The following TMED3 variants were observed in gnomAD, a reference collection of about 807,000 sequenced individuals.
The protein encoded by TMED3 is transmembrane p24 trafficking protein 3.
Under a neutral mutation model 15.0 loss-of-function variants are expected in TMED3, and 9 were observed. The observed-to-expected ratio is 0.60, with a 90% CI of 0.36 to 1.04. The LOEUF (loss-of-function observed/expected upper bound fraction) is 1.04. Among genes scored for constraint, TMED3 ranks in the 50% least tolerant of loss-of-function variants. TMED3 has a pLI of 0.01. For synonymous variants in TMED3, 117 were observed against 121.4 expected (o/e 0.96, Z 0.24); for missense variants, 267 against 278.9 (o/e 0.96, Z 0.30).
chr15:79,373,866 G>T (rs1278756989), intron 2 of TMED3, among the ~76,000 whole-genome samples: 6 of 152,194 alleles, frequency 3.9e-5, no homozygotes, highest in Non-Finnish European at 8.8e-5. Context: ...AAGATGTCCC[G>T]ATTGGCAGTT....
downstream of TMED3, among the ~76,000 whole-genome samples, chr15:79,325,674 A>T (rs1397423337): frequency 6.6e-6 from 1 of 152,160 alleles, no homozygotes; most frequent in Admixed American, 6.5e-5. Flanking sequence ...GCTCAGTCCG[A>T]GTCCAAAAAC....
At chr15:79,377,631 T>C (rs1385227094) in intron 2 of TMED3, among the ~76,000 whole-genome samples, 1 of 151,396 alleles carries the variant, frequency 6.6e-6, no homozygotes, top group Non-Finnish European at 1.5e-5. Context: ...AAATTGCATA[T>C]GAACAAACCG....
intron 1 of TMED3, among the ~76,000 whole-genome samples, chr15:79,312,621 C>G (rs773345880): frequency 6.6e-5 from 10 of 152,178 alleles, no homozygotes; most frequent in Non-Finnish European, 1.2e-4. Context: ...TTTGATGGAT[C>G]TTGGTTATAG....
intron 2 of TMED3, among the ~76,000 whole-genome samples, chr15:79,386,986 C>T (rs1463712969): frequency 6.8e-6 from 1 of 148,060 alleles, no homozygotes. Context: ...GGCTGGAGCA[C>T]AGTGGCACCC....
chr15:79,389,406 T>C (rs985412556), intron 2 of TMED3, among the ~76,000 whole-genome samples: 4 of 152,100 alleles, frequency 2.6e-5, no homozygotes, highest in African/African-American at 7.2e-5. Flanking sequence ...CTGTAAGTAT[T>C]TGGGTTTATT....
intron 2 of TMED3, among the ~76,000 whole-genome samples, chr15:79,374,855 C>A (rs1334829083): frequency 2.0e-5 from 3 of 152,088 alleles, no homozygotes; most frequent in African/African-American, 7.3e-5. Context: ...GATTCTGGAC[C>A]CCAAGAAACA....
chr15:79,386,609 A>T (rs1893629108), intron 2 of TMED3, among the ~76,000 whole-genome samples: 1 of 151,768 alleles, frequency 6.6e-6, no homozygotes. Context: ...GTGCGATCTC[A>T]GCTCATTGCA....
intron 2 of TMED3, among the ~76,000 whole-genome samples, chr15:79,374,201 G>A (rs544361185): frequency 4.6e-4 from 70 of 152,164 alleles, no homozygotes; most frequent in African/African-American, 1.5e-3. Context: ...AGTTTCTTCC[G>A]GGGACTGCTA....
chr15:79,322,825 A>T lies in TMED3; in HGVS notation c.*611A>T. On this transcript the variant is annotated 3_prime_UTR_variant, in exon 3 of 3. Transcript: ENST00000299705. ...CTGTGGGAAACTGTGGCTAATAAAAACTAAGTGTGAGCGTCCTGGAGACTT... is the reference window on the plus strand; with the variant it reads ...CTGTGGGAAACTGTGGCTAATAAAATCTAAGTGTGAGCGTCCTGGAGACTT... 1 of 985,542 alleles carries T rather than the reference A, an allele frequency of 1.0e-6. No individual in the cohort carries two copies. The allele number at this position is 985,542 out of a possible 1,614,324, so 61.0% of individuals were successfully genotyped here.
At chr15:79,359,349 C>T (rs756066569) in intron 2 of TMED3, among the ~76,000 whole-genome samples, 1 of 151,534 alleles carries the variant, frequency 6.6e-6, no homozygotes, top group Non-Finnish European at 1.5e-5. Flanking sequence ...TCTCCTGCCT[C>T]AGCCTCCCAA....
At chr15:79,409,888 G>T (rs1354098814) in intron 2 of TMED3, among the ~76,000 whole-genome samples, 2 of 152,142 alleles carry the variant, frequency 1.3e-5, no homozygotes, top group African/African-American at 4.8e-5. Flanking sequence ...TTCCTGAACT[G>T]TAAAATAAGC....
At chr15:79,372,403 C>T (rs1013566214) in intron 2 of TMED3, among the ~76,000 whole-genome samples, 4 of 152,212 alleles carry the variant, frequency 2.6e-5, no homozygotes, top group African/African-American at 9.6e-5. Flanking sequence ...GACTTCTCCT[C>T]TCCTCTCCCT....
chr15:79,399,892 G>A (rs575194951), intron 2 of TMED3, among the ~76,000 whole-genome samples: 3 of 152,254 alleles, frequency 2.0e-5, no homozygotes, highest in South Asian at 2.1e-4. Flanking sequence ...CGGAGGCAGG[G>A]CCTCTTCCTC....
exon 3 of TMED3, chr15:79,413,379 G>A (rs906276256): frequency 6.6e-6 from 1 of 152,266 alleles, no homozygotes; most frequent in Non-Finnish European, 1.5e-5. Flanking sequence ...TCATCAAGGA[G>A]TGTGCCACAT....
intron 2 of TMED3, among the ~76,000 whole-genome samples, chr15:79,357,673 G>A (rs1220316856): frequency 6.6e-6 from 1 of 151,918 alleles, no homozygotes; most frequent in African/African-American, 2.4e-5. Context: ...ACTGTAGAGG[G>A]AGCTGGCGGC....
At chr15:79,398,347 C>T (rs1336188286) in intron 2 of TMED3, among the ~76,000 whole-genome samples, 1 of 151,896 alleles carries the variant, frequency 6.6e-6, no homozygotes, top group Admixed American at 6.6e-5. Context: ...GCTTTGTTGC[C>T]CAGGCAGTGG....
intron 2 of TMED3, among the ~76,000 whole-genome samples, chr15:79,408,837 G>A (rs751670338): frequency 7.2e-5 from 11 of 152,186 alleles, no homozygotes; most frequent in Non-Finnish European, 1.2e-4. Flanking sequence ...TATTTTAAAG[G>A]TATAGCATCT....
At chr15:79,368,968 G>A (rs961920939) in intron 2 of TMED3, among the ~76,000 whole-genome samples, 5 of 151,868 alleles carry the variant, frequency 3.3e-5, no homozygotes, top group Admixed American at 6.6e-5. Context: ...GGTGGCACAC[G>A]GCTGTAATCC....
intron 2 of TMED3, among the ~76,000 whole-genome samples, chr15:79,337,205 G>T (rs1381431043): frequency 6.6e-6 from 1 of 152,186 alleles, no homozygotes; most frequent in African/African-American, 2.4e-5. Context: ...TGTCAACAGG[G>T]TTGGTTTCTC....
Sources: allele counts gnomAD v4.1 joint callset (sites outside exome capture counted in the v4.1 genomes callset), GRCh38; gene constraint gnomAD v4.1.1; transcripts MANE v1.5; gene names NCBI Gene and HGNC (gene_info 2026-07-23, HGNC 2026-07-21).